BACH2: variants seen among roughly 807,000 people sequenced by gnomAD.
The protein encoded by BACH2 is transcription regulator protein BACH2.
BACH2 carries 5 observed loss-of-function variants against 61.8 expected under a neutral mutation model. The observed-to-expected ratio is 0.08, with a 90% CI of 0.04 to 0.17. The LOEUF (loss-of-function observed/expected upper bound fraction) is 0.17. Among genes scored for constraint, BACH2 ranks in the 10% least tolerant of loss-of-function variants. The pLI is 1.00. For missense variants in BACH2, 824 were observed against 1,091.1 expected (o/e 0.76, Z 3.45); for synonymous variants, 446 against 440.1 (o/e 1.01, Z -0.17).
chr6:90,063,772 T>C (rs1582294971), intron 5 of BACH2, among the ~76,000 whole-genome samples: 1 of 152,232 alleles, frequency 6.6e-6, no homozygotes, highest in African/African-American at 2.4e-5. Flanking sequence ...CATATTTAGG[T>C]GTTTTATAAA....
At chr6:90,211,238 G>A (rs1769337920) in intron 3 of BACH2, among the ~76,000 whole-genome samples, 1 of 151,412 alleles carries the variant, frequency 6.6e-6, no homozygotes, top group Admixed American at 6.6e-5. Flanking sequence ...AGGGCGGCAA[G>A]CAAACAAAGA....
chr6:90,159,632 T>C (rs760614163), intron 4 of BACH2, among the ~76,000 whole-genome samples: 39 of 152,140 alleles, frequency 2.6e-4, no homozygotes, highest in Non-Finnish European at 4.3e-4. Flanking sequence ...CTTTTCAAAA[T>C]AGGGACATAA....
At chr6:90,203,104 T>C (rs528065353) in intron 4 of BACH2, among the ~76,000 whole-genome samples, 9 of 152,182 alleles carry the variant, frequency 5.9e-5, no homozygotes, top group Non-Finnish European at 1.0e-4. Context: ...GAAATACTTT[T>C]GACAGAATTT....
At chr6:89,954,105 C>T (rs1393951134) in intron 6 of BACH2, among the ~76,000 whole-genome samples, 2 of 152,112 alleles carry the variant, frequency 1.3e-5, no homozygotes. Context: ...CACATGGCTC[C>T]ACCACAAAGA....
At chr6:90,027,128 A>T (rs1003789377) in intron 5 of BACH2, among the ~76,000 whole-genome samples, 1 of 152,182 alleles carries the variant, frequency 6.6e-6, no homozygotes, top group Non-Finnish European at 1.5e-5. Flanking sequence ...GTTAAGTCCC[A>T]TATCAAGTAA....
intron 3 of BACH2, among the ~76,000 whole-genome samples, chr6:90,244,227 T>C (rs1316080180): frequency 6.6e-6 from 1 of 152,146 alleles, no homozygotes; most frequent in East Asian, 1.9e-4. Context: ...CGGTTATTTA[T>C]AGGACATTTA....
intron 1 of BACH2, among the ~76,000 whole-genome samples, chr6:90,278,754 A>T (rs1418255450): frequency 6.6e-6 from 1 of 152,160 alleles, no homozygotes; most frequent in East Asian, 1.9e-4. Flanking sequence ...GTGGCACCTC[A>T]TCTCTAAAAC....
At chr6:90,160,487 T>C (rs1301818143) in intron 4 of BACH2, among the ~76,000 whole-genome samples, 2 of 152,224 alleles carry the variant, frequency 1.3e-5, no homozygotes, top group African/African-American at 2.4e-5. Flanking sequence ...GTGAATTCTT[T>C]TAAAATGAGG....
At chr6:90,079,433 A>G (rs1200578241) in intron 5 of BACH2, among the ~76,000 whole-genome samples, 2 of 152,208 alleles carry the variant, frequency 1.3e-5, no homozygotes, top group African/African-American at 4.8e-5. Context: ...AAATAAGGCA[A>G]TTCCTTTTTA....
intron 6 of BACH2, among the ~76,000 whole-genome samples, chr6:89,988,553 A>G (rs1373644905): frequency 6.6e-6 from 1 of 152,202 alleles, no homozygotes; most frequent in Non-Finnish European, 1.5e-5. Context: ...TTAGGACAGA[A>G]CCGGGTAATC....
intron 4 of BACH2, among the ~76,000 whole-genome samples, chr6:90,135,486 G>C (rs1784241022): frequency 1.3e-5 from 2 of 152,154 alleles, no homozygotes; most frequent in South Asian, 4.1e-4. Flanking sequence ...CCGGCACTTT[G>C]GGAAGCTGAG....
chr6:90,100,702 G>GACACACACATACACAC (rs1190617375), intron 4 of BACH2, among the ~76,000 whole-genome samples: 8 of 64,252 alleles, frequency 1.2e-4, no homozygotes, highest in Admixed American at 3.4e-4. Flanking sequence ...CACACACACA[G>GACACACACATACACAC]ACACACACAC....
chr6:90,213,017 G>A (rs1266597605), intron 3 of BACH2, among the ~76,000 whole-genome samples: 2 of 152,180 alleles, frequency 1.3e-5, no homozygotes, highest in Non-Finnish European at 2.9e-5. Flanking sequence ...CAGTGATTTA[G>A]GACTATCTCA....
intron 2 of BACH2, among the ~76,000 whole-genome samples, chr6:90,260,032 C>T (rs1771107253): frequency 6.6e-6 from 1 of 150,898 alleles, no homozygotes; most frequent in South Asian, 2.1e-4. Context: ...CTTCCTGTGG[C>T]TTTTCTATTA....
intron 6 of BACH2, among the ~76,000 whole-genome samples, chr6:89,974,799 C>T (rs1055054449): frequency 6.6e-6 from 1 of 152,244 alleles, no homozygotes; most frequent in Admixed American, 6.5e-5. Flanking sequence ...TGCATAATTG[C>T]ATACCCATAA....
chr6:90,079,495 G>A (rs1781626913), intron 5 of BACH2, among the ~76,000 whole-genome samples: 1 of 152,168 alleles, frequency 6.6e-6, no homozygotes, highest in South Asian at 2.1e-4. Flanking sequence ...AACACAATTT[G>A]TTTATGTATG....
intron 7 of BACH2, among the ~76,000 whole-genome samples, chr6:89,948,046 C>CA (rs1392756945): frequency 6.6e-6 from 1 of 152,084 alleles, no homozygotes. Context: ...AACATACACA[C>CA]AAAAAATGTG....
At chr6:90,235,838 C>G (rs1164498559) in intron 3 of BACH2, among the ~76,000 whole-genome samples, 1 of 152,228 alleles carries the variant, frequency 6.6e-6, no homozygotes, top group Admixed American at 6.5e-5. Flanking sequence ...GTGGCCTGAG[C>G]AAATGACCCA....
chr6:90,193,983 T>C (rs547599002), intron 4 of BACH2, among the ~76,000 whole-genome samples: 14 of 152,284 alleles, frequency 9.2e-5, no homozygotes, highest in African/African-American at 1.4e-4. Context: ...CTTCTGCCAA[T>C]AGAAGTAGAA....
Sources: allele counts gnomAD v4.1 joint callset (sites outside exome capture counted in the v4.1 genomes callset), GRCh38; gene constraint gnomAD v4.1.1; transcripts MANE v1.5; gene names NCBI Gene and HGNC (gene_info 2026-07-23, HGNC 2026-07-21).